The following CEP112 variants were observed in gnomAD, a reference collection of about 807,000 sequenced individuals.
CEP112 encodes centrosomal protein of 112 kDa.
In CEP112, 127 loss-of-function variants were observed where a neutral mutation model predicts 153.0. That is an observed-to-expected ratio of 0.83 (90% CI 0.72 to 0.96). The LOEUF (loss-of-function observed/expected upper bound fraction) is 0.96, where lower values mean the gene tolerates loss of function less well. Ranked by LOEUF, CEP112 falls within the 40% of genes least tolerant of loss-of-function variation. The probability of loss-of-function intolerance (pLI) is 0.00; values close to 1 mark genes in which losing one functional copy is unlikely to be tolerated. For synonymous variants in CEP112, 358 were observed against 374.4 expected (o/e 0.96, Z 0.51); for missense variants, 1,089 against 1,101.2 (o/e 0.99, Z 0.16).
intron 18 of CEP112, among the ~76,000 whole-genome samples, chr17:65,954,120 C>T (rs1822367): frequency 0.044 from 6,722 of 152,268 alleles, 460 homozygotes; most frequent in Admixed American, 0.18. Flanking sequence ...GCTATTTCCA[C>T]CAGAGCAGGT....
chr17:65,755,097 GA>G (rs1329281099), intron 21 of CEP112, among the ~76,000 whole-genome samples: 15 of 149,972 alleles, frequency 1.0e-4, no homozygotes, highest in Admixed American at 2.0e-4. Flanking sequence ...AGTTGAAAAA[GA>G]AAAAAAAATA....
chr17:65,723,747 A>C (rs756453684), intron 23 of CEP112, among the ~76,000 whole-genome samples: 1 of 152,374 alleles, frequency 6.6e-6, no homozygotes, highest in East Asian at 1.9e-4. Flanking sequence ...GTTTATAGAC[A>C]TCAAAGGAAC....
intron 18 of CEP112, among the ~76,000 whole-genome samples, chr17:65,945,164 G>A (rs886545392): frequency 2.1e-4 from 32 of 152,056 alleles, no homozygotes; most frequent in African/African-American, 5.1e-4. Context: ...GGCTGATTTC[G>A]TTCAACTTTA....
At chr17:66,050,377 G>A (rs991715263) in intron 12 of CEP112, among the ~76,000 whole-genome samples, 2 of 152,098 alleles carry the variant, frequency 1.3e-5, no homozygotes, top group African/African-American at 4.8e-5. Context: ...AGGACTCCCA[G>A]GGATCTGTTC....
At chr17:65,674,465 A>C (rs969919523) in intron 24 of CEP112, among the ~76,000 whole-genome samples, 2 of 152,210 alleles carry the variant, frequency 1.3e-5, no homozygotes, top group African/African-American at 4.8e-5. Flanking sequence ...TGAGAAGCTG[A>C]ACAAATCTTT....
At chr17:65,871,752 G>A (rs1357756452) in intron 20 of CEP112, among the ~76,000 whole-genome samples, 3 of 152,172 alleles carry the variant, frequency 2.0e-5, no homozygotes, top group Non-Finnish European at 4.4e-5. Context: ...TAGTATCCTC[G>A]CTAGACAACT....
At chr17:65,704,025 A>C (rs2048776708) in intron 23 of CEP112, among the ~76,000 whole-genome samples, 1 of 152,048 alleles carries the variant, frequency 6.6e-6, no homozygotes, top group Non-Finnish European at 1.5e-5. Flanking sequence ...CCTTGCAGAC[A>C]TAATCAGACG....
intron 17 of CEP112, among the ~76,000 whole-genome samples, chr17:65,994,830 G>A (rs1175473917): frequency 1.3e-5 from 2 of 151,982 alleles, no homozygotes; most frequent in African/African-American, 4.8e-5. Flanking sequence ...TGATCATTTG[G>A]GGCAGTTCAT....
At chr17:65,852,256 CTT>C (rs2057965582) in intron 20 of CEP112, among the ~76,000 whole-genome samples, 1 of 89,600 alleles carries the variant, frequency 1.1e-5, no homozygotes, top group Non-Finnish European at 2.3e-5. Context: ...CTTCCGTTCC[CTT>C]TCCTTCCCTC....
At chr17:66,188,969 T>C (rs181219676) in intron 1 of CEP112, among the ~76,000 whole-genome samples, 4 of 152,318 alleles carry the variant, frequency 2.6e-5, no homozygotes, top group Admixed American at 1.3e-4. Flanking sequence ...AGAACATCTA[T>C]AGCTAAAGCA....
At chr17:65,916,675 T>C (rs1453297131) in intron 19 of CEP112, among the ~76,000 whole-genome samples, 1 of 151,728 alleles carries the variant, frequency 6.6e-6, no homozygotes. Context: ...GCCTCTAAAA[T>C]AGCTTGGAAC....
intron 19 of CEP112, among the ~76,000 whole-genome samples, chr17:65,920,404 T>TATATATATATATAA (rs1411367503): frequency 9.0e-6 from 1 of 111,370 alleles, no homozygotes; most frequent in African/African-American, 3.6e-5. Flanking sequence ...TATATATATA[T>TATATATATATATAA]AATTATAATA....
chr17:65,773,916 C>A (rs897385768), intron 21 of CEP112, among the ~76,000 whole-genome samples: 1 of 151,962 alleles, frequency 6.6e-6, no homozygotes, highest in African/African-American at 2.4e-5. Context: ...AAAACCCTGT[C>A]TCTACTAAAA....
At chr17:65,892,732 T>C (rs1015578620) in intron 20 of CEP112, among the ~76,000 whole-genome samples, 2 of 152,152 alleles carry the variant, frequency 1.3e-5, no homozygotes, top group Non-Finnish European at 2.9e-5. Context: ...TGGTGGATAA[T>C]TGAAGAGCAA....
At chr17:65,743,566 CT>C in intron 22 of CEP112, among the ~76,000 whole-genome samples, 1 of 152,066 alleles carries the variant, frequency 6.6e-6, no homozygotes, top group East Asian at 1.9e-4. Flanking sequence ...ATGAGAAAAG[CT>C]ATTCTGCTTT....
At chr17:65,837,344 G>A (rs1019983780) in intron 21 of CEP112, among the ~76,000 whole-genome samples, 18 of 151,678 alleles carry the variant, frequency 1.2e-4, no homozygotes, top group East Asian at 2.0e-4. Context: ...CCGTCATCCC[G>A]TCTAGGAAGT....
At chr17:65,714,915 A>G (rs2049410193) in intron 23 of CEP112, among the ~76,000 whole-genome samples, 3 of 152,006 alleles carry the variant, frequency 2.0e-5, no homozygotes, top group Admixed American at 2.0e-4. Context: ...AAAGCTTTTG[A>G]GTAGGGGAGC....
At chr17:65,945,147 T>C (rs986706031) in intron 18 of CEP112, among the ~76,000 whole-genome samples, 2 of 152,188 alleles carry the variant, frequency 1.3e-5, no homozygotes, top group African/African-American at 4.8e-5. Flanking sequence ...CTGTTTGTGA[T>C]CTTTGTGGCT....
intron 11 of CEP112, among the ~76,000 whole-genome samples, chr17:66,061,789 G>A (rs549417313): frequency 4.6e-5 from 7 of 152,134 alleles, no homozygotes; most frequent in Non-Finnish European, 8.8e-5. Flanking sequence ...CAGGGGAGGA[G>A]AGGGAGGAAA....
Sources: allele counts gnomAD v4.1 joint callset (sites outside exome capture counted in the v4.1 genomes callset), GRCh38; gene constraint gnomAD v4.1.1; transcripts MANE v1.5; gene names NCBI Gene and HGNC (gene_info 2026-07-23, HGNC 2026-07-21).